CDH12: variants seen among roughly 807,000 people sequenced by gnomAD.
CDH12 encodes cadherin 12.
Under a neutral mutation model 74.1 loss-of-function variants are expected in CDH12, and 41 were observed. The observed-to-expected ratio is 0.55, with a 90% CI of 0.43 to 0.72. The LOEUF (loss-of-function observed/expected upper bound fraction) is 0.72, where lower values mean the gene tolerates loss of function less well. Among genes scored for constraint, CDH12 ranks in the 30% least tolerant of loss-of-function variants. CDH12 has a pLI of 0.00. For synonymous variants in CDH12, 399 were observed against 355.0 expected (o/e 1.12, Z -1.39); for missense variants, 945 against 977.2 (o/e 0.97, Z 0.44).
At chr5:22,392,940 G>C (rs1201013014) in intron 3 of CDH12, among the ~76,000 whole-genome samples, 1 of 152,008 alleles carries the variant, frequency 6.6e-6, no homozygotes, top group Non-Finnish European at 1.5e-5. Flanking sequence ...CTGTAGTCAG[G>C]CTACTCTCTC....
At chr5:22,812,510 T>C (rs751794583) in intron 1 of CDH12, among the ~76,000 whole-genome samples, 9 of 152,166 alleles carry the variant, frequency 5.9e-5, no homozygotes, top group Non-Finnish European at 8.8e-5. Context: ...GGTGAGGCCC[T>C]ACATAAGTTT....
chr5:22,079,033 C>A (rs1273640202), intron 4 of CDH12, among the ~76,000 whole-genome samples, 171 bp from the exon 5 acceptor site: 1 of 152,078 alleles, frequency 6.6e-6, no homozygotes. Context: ...GATAAATTAT[C>A]TGAGTTTTTC....
chr5:22,364,166 G>A (rs1740935817), intron 3 of CDH12, among the ~76,000 whole-genome samples: 3 of 152,158 alleles, frequency 2.0e-5, no homozygotes, highest in Admixed American at 2.0e-4. Flanking sequence ...GGTATTGCAT[G>A]ACACTGGAAA....
At chr5:22,387,801 C>A (rs1317398520) in intron 3 of CDH12, among the ~76,000 whole-genome samples, 1 of 152,100 alleles carries the variant, frequency 6.6e-6, no homozygotes, top group Admixed American at 6.6e-5. Context: ...ATGCTTGAAC[C>A]ACTAAAGGGA....
intron 5 of CDH12, among the ~76,000 whole-genome samples, chr5:22,052,399 C>T (rs966766571): frequency 1.3e-5 from 2 of 152,170 alleles, no homozygotes; most frequent in African/African-American, 2.4e-5. Flanking sequence ...AATATTTTCT[C>T]GGGAATCGTT....
intron 1 of CDH12, among the ~76,000 whole-genome samples, chr5:22,718,228 C>T (rs1045567957): frequency 6.6e-6 from 1 of 152,170 alleles, no homozygotes; most frequent in Non-Finnish European, 1.5e-5. Context: ...ATACTTTGTG[C>T]CTTAGCCTGA....
intron 6 of CDH12, among the ~76,000 whole-genome samples, chr5:21,931,181 C>T (rs374345172): frequency 1.7e-4 from 26 of 151,700 alleles, no homozygotes; most frequent in African/African-American, 2.9e-4. Flanking sequence ...TATTCCAGAG[C>T]ATATGATACA....
intron 1 of CDH12, among the ~76,000 whole-genome samples, chr5:22,702,447 T>G (rs1249649599): frequency 6.6e-6 from 1 of 152,098 alleles, no homozygotes; most frequent in Non-Finnish European, 1.5e-5. Context: ...CCTTCTCTGG[T>G]GTTTTCTCTT....
chr5:22,459,738 G>A (rs896667506), intron 2 of CDH12, among the ~76,000 whole-genome samples: 5 of 152,090 alleles, frequency 3.3e-5, no homozygotes, highest in Non-Finnish European at 5.9e-5. Flanking sequence ...ACTTTGAGGC[G>A]GGTGGATCAT....
At chr5:22,108,965 CATATTTTGAAAAAGAAAAGTTT>C in intron 4 of CDH12, among the ~76,000 whole-genome samples, 1 of 152,072 alleles carries the variant, frequency 6.6e-6, no homozygotes, top group Non-Finnish European at 1.5e-5. Flanking sequence ...CTTTACAATG[CATATTTTGAAAAAGAAAAGTTT>C]ATAAATTTTT....
intron 6 of CDH12, among the ~76,000 whole-genome samples, chr5:21,881,631 C>T (rs1168154318): frequency 1.3e-5 from 2 of 152,206 alleles, no homozygotes; most frequent in East Asian, 3.9e-4. Context: ...TCTAGAAATA[C>T]ACTACTCATT....
At position 22,759,668 on chromosome 5, in the gene CDH12, C is replaced by T. The variant is rs192881575; in HGVS notation, c.-523+93390G>A. ...TTTTTAAATGAAACCCTATAAATAT[C>T]GGTCTATTTTTTCTCCCTTCTGATT... is the stretch of plus-strand genomic sequence containing the variant. On this transcript the variant is annotated intron_variant, in intron 1 of 14. Coordinates refer to ENST00000382254, the MANE Select transcript of CDH12 (RefSeq NM_004061.5). Among the ~76,000 whole-genome samples the T allele has an allele frequency of 5.9e-5, 9 of 152,272 alleles. No homozygotes were observed. In the East Asian group the frequency reaches 1.4e-3, roughly 23 times the overall value.
At chr5:22,215,445 C>A (rs947350393) in intron 3 of CDH12, among the ~76,000 whole-genome samples, 1 of 151,646 alleles carries the variant, frequency 6.6e-6, no homozygotes, top group African/African-American at 2.4e-5. Context: ...AAAAAATTCA[C>A]AAAAAAAACT....
intron 1 of CDH12, among the ~76,000 whole-genome samples, chr5:22,820,845 A>G (rs980224041): frequency 1.3e-5 from 2 of 152,158 alleles, no homozygotes; most frequent in African/African-American, 4.8e-5. Context: ...AACTATTCCA[A>G]TCAATAGAAA....
intron 9 of CDH12, among the ~76,000 whole-genome samples, chr5:21,810,954 AAG>A (rs1217778502): frequency 4.6e-5 from 7 of 152,114 alleles, no homozygotes; most frequent in African/African-American, 1.2e-4. Flanking sequence ...AAAAAAGAAA[AAG>A]AGTTTTACTG....
chr5:22,251,274 C>T (rs776948717), intron 3 of CDH12, among the ~76,000 whole-genome samples: 2 of 152,184 alleles, frequency 1.3e-5, no homozygotes, highest in African/African-American at 2.4e-5. Flanking sequence ...AGCTGATGGA[C>T]AGTCTTCTAC....
intron 3 of CDH12, among the ~76,000 whole-genome samples, chr5:22,328,210 T>A (rs1739204264): frequency 6.6e-6 from 1 of 152,218 alleles, no homozygotes; most frequent in African/African-American, 2.4e-5. Flanking sequence ...TCTTACTAAA[T>A]CAGTTTTTTA....
chr5:22,503,809 G>A (rs1032594774), intron 2 of CDH12, among the ~76,000 whole-genome samples: 6 of 151,990 alleles, frequency 3.9e-5, no homozygotes, highest in Admixed American at 3.9e-4. Flanking sequence ...ATGTTTTAAT[G>A]CTCTGTTATG....
chr5:22,052,317 T>C (rs1260426807), intron 5 of CDH12, among the ~76,000 whole-genome samples: 2 of 152,162 alleles, frequency 1.3e-5, no homozygotes, highest in Non-Finnish European at 2.9e-5. Context: ...ATTTATTGGT[T>C]TCACTTCAAT....
Sources: gnomAD v4.1 joint callset for allele counts (sites outside exome capture counted in the v4.1 genomes callset) on GRCh38, gnomAD v4.1.1 for gene constraint, MANE v1.5 for transcripts, NCBI Gene and HGNC (gene_info 2026-07-23, HGNC 2026-07-21) for gene names.